The following RIMBP2 variants were observed in gnomAD, a reference collection of about 807,000 sequenced individuals.
RIMBP2 encodes the protein RIMS-binding protein 2.
In RIMBP2, 48 loss-of-function variants were observed where a neutral mutation model predicts 118.6. The observed-to-expected ratio is 0.40, with a 90% CI of 0.32 to 0.51. The LOEUF (loss-of-function observed/expected upper bound fraction) is 0.51. Ranked by LOEUF, RIMBP2 falls within the 20% of genes least tolerant of loss-of-function variation. The pLI is 0.41. For missense variants in RIMBP2, 1,551 were observed against 1,768.3 expected (o/e 0.88, Z 2.20); for synonymous variants, 762 against 742.9 (o/e 1.03, Z -0.42).
chr12:130,628,794 T>A (rs1359808488), intron 1 of RIMBP2, among the ~76,000 whole-genome samples: 1 of 152,188 alleles, frequency 6.6e-6, no homozygotes, highest in Non-Finnish European at 1.5e-5. Context: ...GGGCTAATTA[T>A]CCAGGATAGA....
At chr12:130,648,034 T>A (rs374831524) in intron 1 of RIMBP2, among the ~76,000 whole-genome samples, 1 of 128,292 alleles carries the variant, frequency 7.8e-6, no homozygotes, top group South Asian at 2.3e-4. Flanking sequence ...CACACGTGTG[T>A]ACACACCCGC....
rs2077346232 is a variant in RIMBP2, at chr12:130,434,249, CAGAA to C, written c.2253+481_2253+484del. 6.6e-6 allele frequency among the ~76,000 whole-genome samples: 1 copy of C among 152,212 alleles called. No individual in the cohort carries two copies. The highest frequency in any genetic ancestry group is 6.5e-5 in the Admixed American group (1 of 15,282). Reference sequence around the variant, plus strand: ...AGAATATGCACGATCGGAAATTAGACAGAAACCCCAAACTGGCTGAATGTCTTCC... The same window carrying C: ...AGAATATGCACGATCGGAAATTAGACACCCCAAACTGGCTGAATGTCTTCC... On this transcript the variant is annotated intron_variant, in intron 14 of 22. Coordinates refer to ENST00000690449, the MANE Select transcript of RIMBP2 (RefSeq NM_001393629.1). The surrounding 1 kb of genome is among the most constrained non-coding windows in gnomAD (Gnocchi z 5.7).
intron 5 of RIMBP2, among the ~76,000 whole-genome samples, chr12:130,474,940 GTC>G (rs2081306685): frequency 6.6e-6 from 1 of 152,150 alleles, no homozygotes; most frequent in African/African-American, 2.4e-5. Flanking sequence ...CTCCGTAAAC[GTC>G]TGTTGAGTGA....
At chr12:130,638,428 G>T (rs143181083) in intron 1 of RIMBP2, among the ~76,000 whole-genome samples, 1 of 152,172 alleles carries the variant, frequency 6.6e-6, no homozygotes, top group African/African-American at 2.4e-5. Context: ...CCGAAGCCCC[G>T]AGCTGCGGGC....
chr12:130,559,805 A>G lies in RIMBP2; in HGVS notation c.-216-41888T>C, dbSNP rs551224777. Among the ~76,000 whole-genome samples, 14 of 152,356 alleles carry G rather than the reference A, an allele frequency of 9.2e-5. No individual in the cohort carries two copies. The South Asian group carries it at 2.7e-3, about 29-fold the overall frequency. ...TCAACCTGGGAGCTAGCAGGTATTT[A>G]GATCCCAGATCTAGCACTTTGTAAC... On this transcript the variant is annotated intron_variant, in intron 2 of 22. Transcript: ENST00000690449.
Position 130,424,182 on chromosome 12 carries a change from G to A in RIMBP2, c.3089C>T (p.Pro1030Leu). The change falls in exon 16 of 23, where the codon CCC becomes CTC. Residue 1030 changes from proline (P) to leucine (L), a missense_variant. Transcript: ENST00000690449. This position sits in a 1 kb window ranked among gnomAD's most constrained non-coding sequence, Gnocchi z 9.8. ...ITMPDSRAAA[P>L]HAKPPPRVAQ... ...GACTCTGGGAGGTGGCTTTGCGTGG[G>A]GGGCAGCTGCCCTACTGTCGGGCAT... The A allele has an allele frequency of 4.1e-6, 5 of 1,232,182 alleles. No individual in the cohort carries two copies. Among genetic ancestry groups the A allele is most frequent in the South Asian group, 4.1e-5 (1 of 24,312 alleles). 76.3% of individuals were successfully genotyped at this position (1,232,182 alleles called of 1,614,324 possible).
chr12:130,434,015 G>A lies in RIMBP2; in HGVS notation c.2253+719C>T, dbSNP rs904785082. ...TCACCTGTGGTCTGTAACCAGCCGG[G>A]ACATAAACCCAGGCCTGAGAGATGC... On this transcript the variant is annotated intron_variant, in intron 14 of 22. Transcript: ENST00000690449. This position sits in a 1 kb window ranked among gnomAD's most constrained non-coding sequence, Gnocchi z 5.7. Among the ~76,000 whole-genome samples the A allele has an allele frequency of 6.6e-6, 1 of 152,216 alleles. No homozygotes were observed. Among genetic ancestry groups the A allele is most frequent in the Non-Finnish European group, 1.5e-5 (1 of 68,044 alleles).
chr12:130,474,930 C>T lies in RIMBP2; in HGVS notation c.102+3982G>A, dbSNP rs1485536875. Among the ~76,000 whole-genome samples, 3 of 152,208 alleles carry T rather than the reference C, an allele frequency of 2.0e-5. No homozygotes were observed. In the East Asian group the frequency reaches 5.8e-4, roughly 29 times the overall value. ...GCTGGGACTTCACTGACATGAGACG[C>T]TCCGTAAACGTCTGTTGAGTGAATG... On this transcript the variant is annotated intron_variant, in intron 5 of 22. Coordinates refer to ENST00000690449, the MANE Select transcript of RIMBP2 (RefSeq NM_001393629.1).
chr12:130,400,924 G>A (rs1232407251), intron 21 of RIMBP2, among the ~76,000 whole-genome samples: 1 of 152,144 alleles, frequency 6.6e-6, no homozygotes. Flanking sequence ...GGAAAAAACA[G>A]GTACTGGTGA....
chr12:130,491,905 A>C (rs2048681639), intron 4 of RIMBP2, among the ~76,000 whole-genome samples: 1 of 152,216 alleles, frequency 6.6e-6, no homozygotes, highest in Non-Finnish European at 1.5e-5. Context: ...TCACGCCAGC[A>C]CTTAAGCTGC....
chr12:130,486,618 C>G (rs1164707581), intron 4 of RIMBP2, among the ~76,000 whole-genome samples: 1 of 151,962 alleles, frequency 6.6e-6, no homozygotes, highest in Non-Finnish European at 1.5e-5. Flanking sequence ...GCCAAGGACA[C>G]CATCATCCCC....
At chr12:130,436,709 G>T in intron 13 of RIMBP2, 133 bp downstream of exon 13, 1 of 599,316 alleles carries the variant, frequency 1.7e-6, no homozygotes, top group Non-Finnish European at 2.5e-6. Context: ...CCAGCAAAGC[G>T]GTGGGCTGAG....
intron 1 of RIMBP2, among the ~76,000 whole-genome samples, chr12:130,708,329 A>G (rs999743705): frequency 3.9e-5 from 6 of 152,204 alleles, no homozygotes; most frequent in African/African-American, 1.4e-4. Flanking sequence ...CTCTGAATAT[A>G]CTGACAACCC....
chr12:130,427,899 C>T (rs1481123479), intron 15 of RIMBP2: 1 of 323,000 alleles, frequency 3.1e-6, no homozygotes, highest in African/African-American at 2.1e-5. Context: ...GTTCTATTCC[C>T]CCCACTTCAG....
intron 2 of RIMBP2, among the ~76,000 whole-genome samples, chr12:130,526,848 T>C (rs6486549): frequency 0.33 from 50,231 of 151,986 alleles, 9,301 homozygotes; most frequent in Non-Finnish European, 0.42. Context: ...ATATTTTTTC[T>C]TTCTGAAAAG....
intron 2 of RIMBP2, among the ~76,000 whole-genome samples, chr12:130,537,432 C>T (rs78088171): frequency 0.032 from 4,840 of 152,286 alleles, 223 homozygotes; most frequent in African/African-American, 0.11. Context: ...ACAAGGCAAA[C>T]AGATGCAGGG....
chr12:130,444,637 AGAG>A (rs1161994156), intron 10 of RIMBP2, among the ~76,000 whole-genome samples: 1 of 152,178 alleles, frequency 6.6e-6, no homozygotes, highest in East Asian at 1.9e-4. Context: ...TCAAATTTGG[AGAG>A]GAGACCTCGA....
intron 2 of RIMBP2, among the ~76,000 whole-genome samples, chr12:130,524,477 G>A (rs1238595628): frequency 6.6e-6 from 1 of 152,178 alleles, no homozygotes; most frequent in South Asian, 2.1e-4. Context: ...CACATGCAGA[G>A]AGCTACAGAC....
In RIMBP2 at chr12:130,424,142, CA is replaced by C; in HGVS notation, c.3128del (p.Leu1043ArgfsTer3). 1 of 1,228,242 alleles carries C rather than the reference CA, an allele frequency of 8.1e-7. No individual in the cohort carries two copies. The highest frequency in any genetic ancestry group is 1.0e-6 in the Non-Finnish European group (1 of 984,380). 76.1% of individuals were successfully genotyped at this position (1,228,242 alleles called of 1,614,324 possible). On this transcript the variant is annotated frameshift_variant and splice_region_variant, in exon 16 of 23. Coordinates refer to ENST00000690449, the MANE Select transcript of RIMBP2 (RefSeq NM_001393629.1). LOFTEE classifies it high-confidence loss of function. This position sits in a 1 kb window ranked among gnomAD's most constrained non-coding sequence, Gnocchi z 9.8. ...KPPPRVAQGPLILGNPASAGR... is the reference protein window; with the variant it reads ...KPPPRVAQGPXILGNPASAGR... ...TGAAAAGGAAGTTTAGGTCACACAC[CA>C]GGGGGCCTTGTGCGACTCTGGGAGG...
Sources: gnomAD v4.1 joint callset for allele counts (sites outside exome capture counted in the v4.1 genomes callset) on GRCh38, gnomAD v4.1.1 for gene constraint, Gnocchi (gnomAD v3.1) non-coding constraint, MANE v1.5 for transcripts, NCBI Gene and HGNC (gene_info 2026-07-23, HGNC 2026-07-21) for gene names.